RPTOR: variants seen among roughly 807,000 people sequenced by gnomAD.
The protein encoded by RPTOR is regulatory-associated protein of mTOR.
Under a neutral mutation model 169.9 loss-of-function variants are expected in RPTOR, and 21 were observed. That is an observed-to-expected ratio of 0.12 (90% confidence interval 0.09 to 0.18). RPTOR has a LOEUF of 0.18. Ranked by LOEUF, RPTOR falls within the 10% of genes least tolerant of loss-of-function variation. The pLI is 1.00. For missense variants in RPTOR, 1,133 were observed against 1,855.9 expected, an observed-to-expected ratio of 0.61 and a Z score of 7.16; for synonymous variants, 732 against 753.2, an observed-to-expected ratio of 0.97 and a Z score of 0.46.
intron 3 of RPTOR, among the ~76,000 whole-genome samples, chr17:80,683,544 T>A (rs1263879727): frequency 1.3e-5 from 2 of 152,204 alleles, no homozygotes; most frequent in Non-Finnish European, 2.9e-5. Flanking sequence ...CCATGGATAA[T>A]TCTTGCCCAC....
rs1214753169 is a variant in RPTOR at position 80,959,457 on chromosome 17, G to T, written c.3478-621G>T. ...GTCTGGCCCCATCATCCCCACGCCTGTGTTTCCTCCTGGAGTGCACAACCC... is the reference window on the plus strand; with the variant it reads ...GTCTGGCCCCATCATCCCCACGCCTTTGTTTCCTCCTGGAGTGCACAACCC... On this transcript the variant is annotated intron_variant, in intron 29 of 33. Transcript: ENST00000306801. This position sits in a 1 kb window ranked among gnomAD's most constrained non-coding sequence, Gnocchi z 6.7. Among the ~76,000 whole-genome samples the T allele has an allele frequency of 6.6e-6, 1 of 152,184 alleles. No homozygotes were observed. The highest frequency in any genetic ancestry group is 1.5e-5 in the Non-Finnish European group (1 of 68,022).
At chr17:80,904,621 A>C in intron 20 of RPTOR, among the ~76,000 whole-genome samples, 1 of 152,202 alleles carries the variant, frequency 6.6e-6, no homozygotes, top group East Asian at 1.9e-4. Context: ...GAGTGCCAGC[A>C]GGGGCCCTTT....
chr17:80,656,886 A>G (rs908179510), intron 3 of RPTOR, among the ~76,000 whole-genome samples: 11 of 152,222 alleles, frequency 7.2e-5, no homozygotes, highest in Admixed American at 6.5e-4. Flanking sequence ...ATTGAGTGGC[A>G]GGGAGCCGCG....
intron 5 of RPTOR, among the ~76,000 whole-genome samples, chr17:80,739,646 A>G (rs1276183005): frequency 6.6e-6 from 1 of 152,196 alleles, no homozygotes; most frequent in East Asian, 1.9e-4. Context: ...AATCAGCTAC[A>G]CGTCAATAAA....
chr17:80,588,021 G>A (rs148202959), intron 1 of RPTOR, among the ~76,000 whole-genome samples: 13 of 152,040 alleles, frequency 8.6e-5, no homozygotes, highest in South Asian at 2.1e-4. Context: ...ACATCATGTG[G>A]TGTTTGTCCT....
chr17:80,604,026 C>T (rs2065210606), intron 1 of RPTOR, among the ~76,000 whole-genome samples: 1 of 152,218 alleles, frequency 6.6e-6, no homozygotes, highest in Non-Finnish European at 1.5e-5. Flanking sequence ...GAAAGGAGGG[C>T]TGCTGGGGCC....
intron 13 of RPTOR, among the ~76,000 whole-genome samples, chr17:80,858,403 C>T (rs984699777): frequency 3.6e-4 from 55 of 152,396 alleles, no homozygotes; most frequent in African/African-American, 1.3e-3. Context: ...TTACACGGGG[C>T]TGTCCAGCTC....
intron 24 of RPTOR, among the ~76,000 whole-genome samples, chr17:80,932,364 A>G (rs939960002): frequency 6.6e-6 from 1 of 152,182 alleles, no homozygotes; most frequent in Non-Finnish European, 1.5e-5. Context: ...AAGGAAAAGT[A>G]TGAGATGCCC....
intron 2 of RPTOR, among the ~76,000 whole-genome samples, chr17:80,641,029 G>A (rs550089938): frequency 6.6e-6 from 1 of 152,332 alleles, no homozygotes; most frequent in East Asian, 1.9e-4. Context: ...TTTGGCATCT[G>A]TTTGTTAAAG....
At chr17:80,729,132 G>C (rs2066367121) in intron 4 of RPTOR, among the ~76,000 whole-genome samples, 1 of 152,182 alleles carries the variant, frequency 6.6e-6, no homozygotes, top group African/African-American at 2.4e-5. Flanking sequence ...CTTCTTTGCT[G>C]TGCACGGACA....
intron 5 of RPTOR, among the ~76,000 whole-genome samples, chr17:80,753,515 C>T (rs2066649486): frequency 6.6e-6 from 1 of 151,358 alleles, no homozygotes; most frequent in South Asian, 2.1e-4. Context: ...CGCCTGTAGT[C>T]CCAGCTACTC....
At chr17:80,759,172 C>G (rs1189275176) in intron 6 of RPTOR, among the ~76,000 whole-genome samples, 1 of 151,942 alleles carries the variant, frequency 6.6e-6, no homozygotes, top group East Asian at 1.9e-4. Flanking sequence ...CCTGGGAACA[C>G]AGGGAAACCC....
intron 3 of RPTOR, among the ~76,000 whole-genome samples, chr17:80,669,173 T>C (rs1007672983): frequency 2.6e-5 from 4 of 152,138 alleles, no homozygotes; most frequent in African/African-American, 9.7e-5. Flanking sequence ...TTCTAGGGCG[T>C]GGGAATGTGG....
rs755695253 is a variant in RPTOR at position 80,922,774 on chromosome 17, G to T, written c.2571G>T (p.Thr857=). ...GCGTCCTGGACACCTCCTCCCTCAC[G>T]CAGTCGGCCCCCGCCAGCCCCACCA... The part of the protein sequence containing the change: ...PQRVLDTSSL[T]QSAPASPTNK... Residue 857 remains threonine (T), a synonymous_variant, in exon 22 of 34, where the codon ACG becomes ACT. Transcript: ENST00000306801. 1 of 1,582,756 alleles carries T rather than the reference G, an allele frequency of 6.3e-7. No individual in the cohort carries two copies. The highest frequency in any genetic ancestry group is 8.5e-7 in the Non-Finnish European group (1 of 1,169,608).
intron 2 of RPTOR, among the ~76,000 whole-genome samples, chr17:80,627,533 A>G (rs770580874): frequency 2.6e-5 from 4 of 152,194 alleles, no homozygotes; most frequent in Non-Finnish European, 4.4e-5. Flanking sequence ...CTTTTACAGA[A>G]TGTCATTTAA....
intron 1 of RPTOR, among the ~76,000 whole-genome samples, chr17:80,570,716 C>T (rs1296125093): frequency 6.6e-6 from 1 of 152,154 alleles, no homozygotes; most frequent in Admixed American, 6.5e-5. Flanking sequence ...CTGCCTCGGC[C>T]TCCCAAAGTG....
At chr17:80,723,722 A>G (rs2066306310) in intron 4 of RPTOR, among the ~76,000 whole-genome samples, 1 of 151,306 alleles carries the variant, frequency 6.6e-6, no homozygotes, top group Non-Finnish European at 1.5e-5. Context: ...TAAGTGATGC[A>G]TTTGTGTGTA....
chr17:80,863,588 G>C (rs1598360900), intron 13 of RPTOR, among the ~76,000 whole-genome samples: 1 of 152,322 alleles, frequency 6.6e-6, no homozygotes, highest in East Asian at 1.9e-4. Flanking sequence ...AAATATACTT[G>C]ATGGGATTAA....
Position 80,960,394 on chromosome 17 carries a change from C to T in RPTOR, c.3605+189C>T, listed in dbSNP as rs111318423. Among the ~76,000 whole-genome samples the T allele has an allele frequency of 4.6e-5, 7 of 152,356 alleles. No individual in the cohort carries two copies. Among genetic ancestry groups the T allele is most frequent in the African/African-American group, 1.7e-4 (7 of 41,582 alleles). ...GCCGCCAGGCCCGTCCCACTGAGGCCCATCCCACAAAGGTCTGCCCCACAG... is the reference window on the plus strand; with the variant it reads ...GCCGCCAGGCCCGTCCCACTGAGGCTCATCCCACAAAGGTCTGCCCCACAG... On this transcript the variant is annotated intron_variant, in intron 30 of 33. Coordinates refer to ENST00000306801, the MANE Select transcript of RPTOR (RefSeq NM_020761.3). The surrounding 1 kb of genome is among the most constrained non-coding windows in gnomAD (Gnocchi z 4.8).
Sources: allele counts gnomAD v4.1 joint callset (sites outside exome capture counted in the v4.1 genomes callset), GRCh38; gene constraint gnomAD v4.1.1; non-coding constraint Gnocchi (gnomAD v3.1); transcripts MANE v1.5; gene names NCBI Gene and HGNC (gene_info 2026-07-23, HGNC 2026-07-21).